Variants in SATB1 observed in about 807,000 individuals in gnomAD.
SATB1 encodes DNA-binding protein SATB1.
A neutral mutation model predicts 86.9 loss-of-function variants in SATB1; 11 were observed. The observed-to-expected ratio is 0.13, with a 90% CI of 0.08 to 0.21. The LOEUF is 0.21. Ranked by LOEUF, SATB1 falls within the 10% of genes least tolerant of loss-of-function variation. The probability of loss-of-function intolerance (pLI) is 1.00; values close to 1 mark genes in which losing one functional copy is unlikely to be tolerated. For synonymous variants in SATB1, 357 were observed against 357.2 expected, an observed-to-expected ratio of 1.00 and a Z score of 0.01; for missense variants, 551 against 937.6, an observed-to-expected ratio of 0.59 and a Z score of 5.39.
chr3:18,397,070 T>A (rs1287791004), intron 6 of SATB1, 109 bp downstream of exon 6: 2 of 688,982 alleles, frequency 2.9e-6, no homozygotes, highest in East Asian at 5.1e-5. Context: ...CATTCTAAAT[T>A]GATCTCTAAT....
rs1403105389 is a variant in SATB1 at position 18,346,250 on chromosome 3, C to CAA, written c.*2918_*2919dup. The stretch of plus-strand genomic sequence containing the variant: ...CACAGAGTGTAATACAAATTAGTGG[C>CAA]AAAGTGCTGAGTGAAGGGAATCCAT... On this transcript the variant is annotated 3_prime_UTR_variant, in exon 11 of 11. Coordinates refer to ENST00000338745, the MANE Select transcript of SATB1 (RefSeq NM_002971.6). 6.6e-6 allele frequency: 1 copy of CAA among 152,028 alleles called. No homozygotes were observed. The highest frequency in any genetic ancestry group is 1.5e-5 in the Non-Finnish European group (1 of 67,970). The allele number at this position is 152,028 out of a possible 1,614,324, so 9.4% of individuals were successfully genotyped here.
chr3:18,352,451 G>A lies in SATB1; in HGVS notation c.1576-256C>T. On this transcript the variant is annotated intron_variant, in intron 9 of 10. Coordinates refer to ENST00000338745, the MANE Select transcript of SATB1 (RefSeq NM_002971.6). This position sits in a 1 kb window ranked among gnomAD's most constrained non-coding sequence, Gnocchi z 4.1. ...ATTTTTTCAGACTCTGAGGGTAACA[G>A]AGCATTTATCACAGATTTTTTAATA... The A allele has an allele frequency of 2.3e-6, 1 of 437,030 alleles. No individual in the cohort carries two copies. The allele number at this position is 437,030 out of a possible 1,614,324, so 27.1% of individuals were successfully genotyped here.
In SATB1 at chr3:18,425,108, G is replaced by A; in HGVS notation, c.-1506C>T. The A allele has an allele frequency of 6.0e-6, 1 of 165,290 alleles. No individual in the cohort carries two copies. 10.2% of individuals were successfully genotyped at this position (165,290 alleles called of 1,614,324 possible). On this transcript the variant is annotated 5_prime_UTR_variant, in exon 1 of 11. Transcript: ENST00000338745. ...GTGCCCCGCTCGGCTCCGCGCGTCCGCCCGGGCTGCAGCCCTCTCCGCCGC... is the reference window on the plus strand; with the variant it reads ...GTGCCCCGCTCGGCTCCGCGCGTCCACCCGGGCTGCAGCCCTCTCCGCCGC...
intron 1 of SATB1, chr3:18,445,273 G>A: frequency 3.0e-6 from 3 of 984,114 alleles, no homozygotes; most frequent in Non-Finnish European, 3.6e-6. Flanking sequence ...TGAAGCCCGA[G>A]CCGAGCCGAG....
intron 1 of SATB1, chr3:18,445,379 C>G (rs1049648930): frequency 9.2e-6 from 9 of 973,638 alleles, no homozygotes; most frequent in Non-Finnish European, 1.1e-5. Flanking sequence ...GCCGGAGGGG[C>G]GAGGGCGGGC....
intron 9 of SATB1, among the ~76,000 whole-genome samples, chr3:18,367,472 G>C (rs933850120): frequency 6.6e-6 from 1 of 152,172 alleles, no homozygotes; most frequent in Non-Finnish European, 1.5e-5. Flanking sequence ...GAGGATGGTG[G>C]ATTCAGTTGG....
At chr3:18,391,366 C>A (rs1422187841) in intron 7 of SATB1, among the ~76,000 whole-genome samples, 1 of 135,784 alleles carries the variant, frequency 7.4e-6, no homozygotes, top group Admixed American at 7.2e-5. Flanking sequence ...TTTGTATGTA[C>A]ATATTTTACA....
Position 18,352,931 on chromosome 3 carries a change from A to G in SATB1, c.1576-736T>C, listed in dbSNP as rs1694444366. On this transcript the variant is annotated intron_variant, in intron 9 of 10. Coordinates refer to ENST00000338745, the MANE Select transcript of SATB1 (RefSeq NM_002971.6). This position sits in a 1 kb window ranked among gnomAD's most constrained non-coding sequence, Gnocchi z 4.1. ...AATCTGCACCTCTCTGATGTTTCCA[A>G]GGCCCAGTTTTTTTACCCTGAGGTT... 1 of 87,842 alleles carries G rather than the reference A, an allele frequency of 1.1e-5. No homozygotes were observed. The highest frequency in any genetic ancestry group is 1.3e-4 in the Admixed American group (1 of 7,986). The allele number at this position is 87,842 out of a possible 1,614,324, so 5.4% of individuals were successfully genotyped here. A position where few individuals can be genotyped will look rare whatever the true frequency, so the allele number is the denominator to read the frequency against.
At chr3:18,408,589 T>C (rs1051175062) in intron 5 of SATB1, 4 of 151,912 alleles carry the variant, frequency 2.6e-5, no homozygotes, top group Admixed American at 2.6e-4. Context: ...CTCTCTTATG[T>C]TTTTCATACT....
intron 8 of SATB1, among the ~76,000 whole-genome samples, chr3:18,385,024 T>C (rs1696259510): frequency 1.3e-5 from 2 of 152,250 alleles, no homozygotes; most frequent in Non-Finnish European, 2.9e-5. Flanking sequence ...TAAAAAGTAA[T>C]AGTTTCAGAA....
chr3:18,382,116 G>T (rs77717643), intron 8 of SATB1, among the ~76,000 whole-genome samples: 2 of 152,096 alleles, frequency 1.3e-5, no homozygotes, highest in African/African-American at 2.4e-5. Context: ...TCATTATATC[G>T]TAGAGGGATT....
intron 5 of SATB1, among the ~76,000 whole-genome samples, chr3:18,400,871 C>T (rs1697228107): frequency 6.6e-6 from 1 of 152,136 alleles, no homozygotes; most frequent in South Asian, 2.1e-4. Flanking sequence ...CAAGTTGGTA[C>T]AAGGAATAGT....
chr3:18,416,254 A>G (rs1392332059), intron 3 of SATB1, 121 bp from the exon 4 acceptor site: 3 of 664,792 alleles, frequency 4.5e-6, no homozygotes, highest in South Asian at 7.0e-5. Flanking sequence ...TTTCTGTTTG[A>G]ATGATTCCCT....
exon 1 of SATB1, chr3:18,445,542 C>A (rs1210684631): frequency 2.0e-6 from 2 of 985,106 alleles, no homozygotes; most frequent in Non-Finnish European, 2.4e-6. Flanking sequence ...CCAACACGCG[C>A]ACTCCTCCTC....
At chr3:18,369,913 C>T (rs545016168) in intron 9 of SATB1, among the ~76,000 whole-genome samples, 23 of 152,304 alleles carry the variant, frequency 1.5e-4, no homozygotes, top group African/African-American at 5.1e-4. Flanking sequence ...CTGGCCAGCG[C>T]CGGTTGTGCA....
intron 5 of SATB1, among the ~76,000 whole-genome samples, chr3:18,401,546 T>C (rs1697266964): frequency 6.6e-6 from 1 of 152,054 alleles, no homozygotes; most frequent in Non-Finnish European, 1.5e-5. Context: ...AAGTTTCCTA[T>C]TCAGTGGCTG....
At chr3:18,371,354 A>C (rs941118382) in intron 9 of SATB1, among the ~76,000 whole-genome samples, 5 of 152,214 alleles carry the variant, frequency 3.3e-5, no homozygotes, top group African/African-American at 1.2e-4. Flanking sequence ...TAAATTACAG[A>C]GTAGTTATAT....
intron 5 of SATB1, among the ~76,000 whole-genome samples, chr3:18,399,300 A>G (rs1575141804): frequency 6.6e-6 from 1 of 152,178 alleles, no homozygotes; most frequent in South Asian, 2.1e-4. Context: ...AAGATGGCAG[A>G]CAGCCTCTGC....
chr3:18,362,543 T>C (rs549484183), intron 9 of SATB1, among the ~76,000 whole-genome samples: 1 of 151,930 alleles, frequency 6.6e-6, no homozygotes, highest in Admixed American at 6.6e-5. Flanking sequence ...ATAATGATGT[T>C]TCTGTATTCA....
Sources: allele counts gnomAD v4.1 joint callset (sites outside exome capture counted in the v4.1 genomes callset), GRCh38; gene constraint gnomAD v4.1.1; non-coding constraint Gnocchi (gnomAD v3.1); transcripts MANE v1.5; gene names NCBI Gene and HGNC (gene_info 2026-07-23, HGNC 2026-07-21).